The following CTNNA2 variants were observed in gnomAD, a reference collection of about 807,000 sequenced individuals.
CTNNA2 encodes catenin alpha-2.
Under a neutral mutation model 101.0 loss-of-function variants are expected in CTNNA2, and 42 were observed. The ratio of observed to expected loss-of-function variants is 0.42; its 90% CI spans 0.32 to 0.54. The LOEUF (loss-of-function observed/expected upper bound fraction) is 0.54. Among genes scored for constraint, CTNNA2 ranks in the 20% least tolerant of loss-of-function variants. CTNNA2 has a pLI of 0.14. For missense variants in CTNNA2, 871 were observed against 1,223.1 expected (o/e 0.71, Z 4.29); for synonymous variants, 450 against 456.4 (o/e 0.99, Z 0.18).
intron 15 of CTNNA2, among the ~76,000 whole-genome samples, chr2:80,602,899 A>C (rs1234825224): frequency 2.0e-5 from 3 of 152,244 alleles, no homozygotes; most frequent in South Asian, 2.1e-4. Flanking sequence ...CTAATGTAGA[A>C]AAATCCAAGA....
intron 2 of CTNNA2, among the ~76,000 whole-genome samples, chr2:79,234,757 A>G (rs1259029363): frequency 6.6e-5 from 10 of 152,150 alleles, no homozygotes. Flanking sequence ...TATTTGTATG[A>G]GAGAGCTTAT....
intron 7 of CTNNA2, among the ~76,000 whole-genome samples, chr2:80,101,885 G>T (rs1455157865): frequency 1.3e-5 from 2 of 152,216 alleles, no homozygotes; most frequent in Non-Finnish European, 2.9e-5. Context: ...GCAAGGGAGG[G>T]AGTCTCACCC....
At chr2:80,071,799 A>G (rs537014642) in intron 7 of CTNNA2, among the ~76,000 whole-genome samples, 2 of 152,316 alleles carry the variant, frequency 1.3e-5, no homozygotes, top group Non-Finnish European at 2.9e-5. Context: ...TGGTTGTTGA[A>G]GTGGTGGCAC....
chr2:79,727,857 T>A (rs1686952564), intron 2 of CTNNA2, among the ~76,000 whole-genome samples: 1 of 151,864 alleles, frequency 6.6e-6, no homozygotes, highest in African/African-American at 2.4e-5. Flanking sequence ...GATAGTTTAC[T>A]GTGAATGATG....
chr2:79,898,693 AGTGAGAGT>A (rs1256572024), intron 6 of CTNNA2, among the ~76,000 whole-genome samples: 1 of 152,088 alleles, frequency 6.6e-6, no homozygotes. Flanking sequence ...CCTCCTTATA[AGTGAGAGT>A]GTTAGGTTTT....
At chr2:79,258,276 G>A (rs1674874540) in intron 2 of CTNNA2, among the ~76,000 whole-genome samples, 1 of 152,124 alleles carries the variant, frequency 6.6e-6, no homozygotes, top group African/African-American at 2.4e-5. Flanking sequence ...CTGGTCTCTT[G>A]AAGCAATTAG....
At chr2:79,454,645 G>T (rs1402347397) in intron 4 of CTNNA2, among the ~76,000 whole-genome samples, 2 of 152,096 alleles carry the variant, frequency 1.3e-5, no homozygotes, top group Non-Finnish European at 2.9e-5. Flanking sequence ...ACCAAGCTCA[G>T]ATGAAAAATA....
At chr2:79,546,897 T>C (rs1024338584) in intron 1 of CTNNA2, among the ~76,000 whole-genome samples, 1 of 152,236 alleles carries the variant, frequency 6.6e-6, no homozygotes, top group African/African-American at 2.4e-5. Flanking sequence ...AACTTGCCTA[T>C]GTAATGATTC....
intron 7 of CTNNA2, among the ~76,000 whole-genome samples, chr2:80,075,642 ATAT>A (rs1042676537): frequency 1.9e-5 from 2 of 106,506 alleles, no homozygotes; most frequent in East Asian, 3.4e-4. Flanking sequence ...ACATGTATAA[ATAT>A]TATAAAAATA....
chr2:79,984,102 T>C (rs971325738), intron 7 of CTNNA2, among the ~76,000 whole-genome samples: 3 of 152,174 alleles, frequency 2.0e-5, no homozygotes, highest in Non-Finnish European at 4.4e-5. Context: ...CAATTCCCCA[T>C]AATAATTGAT....
chr2:80,609,419 G>A (rs1253593300), intron 17 of CTNNA2, among the ~76,000 whole-genome samples: 1 of 151,714 alleles, frequency 6.6e-6, no homozygotes. Context: ...CCTGTTTCAT[G>A]CAGTCCCACC....
Position 80,560,679 on chromosome 2 carries a change from C to G in CTNNA2, c.1741+4786C>G, listed in dbSNP as rs146455836. Among the ~76,000 whole-genome samples the G allele has an allele frequency of 1.7e-3, 263 of 152,282 alleles. 4 individuals carry two copies. Among genetic ancestry groups the G allele is most frequent in the African/African-American group, 6.0e-3 (250 of 41,560 alleles). On this transcript the variant is annotated intron_variant, in intron 12 of 18. Coordinates refer to ENST00000402739, the MANE Select transcript of CTNNA2 (RefSeq NM_001282597.3). ...CTCCCTGCAACGTTCTTCATCTCCT[C>G]CTCCTCCTGCTTTACATCTGTTTAT... is the stretch of plus-strand genomic sequence containing the variant.
At chr2:79,693,360 T>G (rs1464801900) in intron 2 of CTNNA2, among the ~76,000 whole-genome samples, 1 of 152,004 alleles carries the variant, frequency 6.6e-6, no homozygotes, top group Non-Finnish European at 1.5e-5. Context: ...CTTGAAAGCA[T>G]TTGAGAATTG....
At chr2:79,654,163 T>C (rs1367105704) in intron 2 of CTNNA2, among the ~76,000 whole-genome samples, 1 of 152,218 alleles carries the variant, frequency 6.6e-6, no homozygotes, top group Non-Finnish European at 1.5e-5. Context: ...TGTATTATGC[T>C]TCTCAAAATT....
At chr2:79,748,358 G>A (rs1458029523) in intron 3 of CTNNA2, among the ~76,000 whole-genome samples, 1 of 152,162 alleles carries the variant, frequency 6.6e-6, no homozygotes, top group Non-Finnish European at 1.5e-5. Flanking sequence ...TTTCCAATAT[G>A]CAAGATGATA....
intron 4 of CTNNA2, among the ~76,000 whole-genome samples, chr2:79,861,182 T>G (rs796203978): frequency 3.3e-5 from 5 of 152,334 alleles, no homozygotes; most frequent in African/African-American, 1.2e-4. Context: ...TAATACCCTG[T>G]AGTGAGACTA....
chr2:80,070,302 T>C (rs1572991299), intron 7 of CTNNA2, among the ~76,000 whole-genome samples: 1 of 152,312 alleles, frequency 6.6e-6, no homozygotes, highest in East Asian at 1.9e-4. Flanking sequence ...TTTCCAAAAA[T>C]GTTCTATATG....
intron 18 of CTNNA2, among the ~76,000 whole-genome samples, chr2:80,624,455 G>C (rs962740420): frequency 6.6e-6 from 1 of 151,890 alleles, no homozygotes; most frequent in Admixed American, 6.6e-5. Context: ...TGTGTAGAAA[G>C]TTAGAGAAGT....
At chr2:79,864,447 C>T (rs538412580) in intron 4 of CTNNA2, among the ~76,000 whole-genome samples, 10 of 152,202 alleles carry the variant, frequency 6.6e-5, no homozygotes, top group Non-Finnish European at 1.2e-4. Flanking sequence ...AATTAGTTTG[C>T]ACTCTATATA....
Sources: gnomAD v4.1 joint callset for allele counts (sites outside exome capture counted in the v4.1 genomes callset) on GRCh38, gnomAD v4.1.1 for gene constraint, MANE v1.5 for transcripts, NCBI Gene and HGNC (gene_info 2026-07-23, HGNC 2026-07-21) for gene names.